FRMD4B: variants seen among roughly 807,000 people sequenced by gnomAD.
FRMD4B encodes FERM domain containing 4B.
In FRMD4B, 74 loss-of-function variants were observed where a neutral mutation model predicts 141.5. The observed-to-expected ratio is 0.52, with a 90% CI of 0.43 to 0.63. The LOEUF is 0.63. Ranked by LOEUF, FRMD4B falls within the 30% of genes least tolerant of loss-of-function variation. The pLI is 0.00. For missense variants in FRMD4B, 1,366 were observed against 1,253.4 expected, an observed-to-expected ratio of 1.09 and a Z score of -1.36; for synonymous variants, 506 against 467.9, an observed-to-expected ratio of 1.08 and a Z score of -1.05.
chr3:69,257,657 C>T (rs1048139036), intron 5 of FRMD4B, among the ~76,000 whole-genome samples: 1 of 151,854 alleles, frequency 6.6e-6, no homozygotes, highest in Non-Finnish European at 1.5e-5. Context: ...TTAATATGTT[C>T]AGGATTGGCT....
chr3:69,540,669 A>C, intron 1 of FRMD4B, among the ~76,000 whole-genome samples: 1 of 120,542 alleles, frequency 8.3e-6, no homozygotes, highest in Non-Finnish European at 1.7e-5. Flanking sequence ...ATACACACAC[A>C]CACACACACA....
intron 5 of FRMD4B, among the ~76,000 whole-genome samples, chr3:69,263,855 C>T (rs1354152900): frequency 9.0e-6 from 1 of 111,140 alleles, no homozygotes; most frequent in Non-Finnish European, 1.7e-5. Flanking sequence ...GACAGAGTCT[C>T]GCTCTGTTGC....
intron 4 of FRMD4B, among the ~76,000 whole-genome samples, chr3:69,299,251 A>T (rs1218286781): frequency 1.3e-5 from 2 of 152,166 alleles, no homozygotes; most frequent in Non-Finnish European, 2.9e-5. Context: ...AGGTTTATAA[A>T]ACATACCAAC....
At chr3:69,320,237 A>T (rs1178239869) in intron 1 of FRMD4B, among the ~76,000 whole-genome samples, 3 of 152,250 alleles carry the variant, frequency 2.0e-5, no homozygotes, top group Admixed American at 6.5e-5. Flanking sequence ...AATTTTTTTT[A>T]AAAATTATAA....
rs1248948438 is a variant in FRMD4B, at chr3:69,237,174, A to ACAG, written c.581+12051_581+12052insCTG. ...CTGGACAACTGCAGGCCGGAGCACA[A>ACAG]GAGGAGGAAGAGGAGAGAATTGGAA... On this transcript the variant is annotated intron_variant, in intron 7 of 22. Transcript: ENST00000398540. Among the ~76,000 whole-genome samples, 140 of 38,660 alleles carry ACAG rather than the reference A, an allele frequency of 3.6e-3. 1 individual carries two copies. Among genetic ancestry groups the ACAG allele is most frequent in the African/African-American group, 0.011 (138 of 13,090 alleles). The allele number at this position is 38,660 out of a possible 152,430, so 25.4% of individuals were successfully genotyped here.
At chr3:69,183,634 C>T (rs1195652229) in intron 19 of FRMD4B, among the ~76,000 whole-genome samples, 2 of 151,898 alleles carry the variant, frequency 1.3e-5, no homozygotes, top group East Asian at 3.9e-4. Context: ...AGGCGCCCAC[C>T]ACCACGCCTG....
At chr3:69,398,428 T>C (rs1704506783) in intron 2 of FRMD4B, among the ~76,000 whole-genome samples, 1 of 152,212 alleles carries the variant, frequency 6.6e-6, no homozygotes, top group Admixed American at 6.5e-5. Context: ...TCCTTTTAGA[T>C]GATTGAAACT....
chr3:69,218,048 A>G lies in FRMD4B; in HGVS notation c.789+274T>C, dbSNP rs1345510879. ...TAATTTTCAAACAAAAGCACTCTCA[A>G]ATGAAGATCTGGTAGTGCTAGAAAG... On this transcript the variant is annotated intron_variant, in intron 10 of 22. Transcript: ENST00000398540. 2.0e-5 allele frequency among the ~76,000 whole-genome samples: 3 copies of G among 152,290 alleles called. No individual in the cohort carries two copies. In the East Asian group the frequency reaches 5.8e-4, roughly 29 times the overall value.
In FRMD4B at chr3:69,385,963, C is replaced by T. The variant is rs1273913025; in HGVS notation, c.27G>A (p.Val9=). ...GGCTGCCGCTGAACAGCAGGTCCTC[C>T]ACGCCACACATGAACACCGAAGCCA... is the stretch of plus-strand genomic sequence containing the variant. MASVFMCG[V]EDLLFSGSRF... is the part of the protein sequence containing the mutation. The change falls in exon 1 of 23, where the codon GTG becomes GTA. Residue 9 remains valine (V), a synonymous_variant. Transcript: ENST00000398540. 2 of 1,604,486 alleles carry T rather than the reference C, an allele frequency of 1.2e-6. No individual in the cohort carries two copies. Among genetic ancestry groups the T allele is most frequent in the Non-Finnish European group, 1.7e-6 (2 of 1,175,734 alleles).
rs867370345 is a variant in FRMD4B at position 69,170,236 on chromosome 3, C to T, written c.*1625G>A. The stretch of plus-strand genomic sequence containing the variant: ...ACTGCGACCTGCTTCACATGAACCC[C>T]TGACATAAATGGAAGAAAACGTAAA... On this transcript the variant is annotated 3_prime_UTR_variant, in exon 23 of 23. Transcript: ENST00000398540. 2.0e-5 allele frequency: 3 copies of T among 152,162 alleles called. No homozygotes were observed. Among genetic ancestry groups the T allele is most frequent in the Non-Finnish European group, 4.4e-5 (3 of 68,038 alleles). 9.4% of individuals were successfully genotyped at this position (152,162 alleles called of 1,614,324 possible).
At chr3:69,212,282 C>T (rs1398931906) in intron 11 of FRMD4B, among the ~76,000 whole-genome samples, 1 of 133,350 alleles carries the variant, frequency 7.5e-6, no homozygotes, top group East Asian at 2.3e-4. Context: ...ATCACTTGAA[C>T]CCAGGAGGTG....
intron 7 of FRMD4B, among the ~76,000 whole-genome samples, chr3:69,229,720 C>T (rs938148096): frequency 1.3e-5 from 2 of 152,134 alleles, no homozygotes; most frequent in African/African-American, 2.4e-5. Context: ...CAATTAATTA[C>T]CAATACACAA....
chr3:69,386,268 A>C, upstream of FRMD4B: 1 of 324,538 alleles, frequency 3.1e-6, no homozygotes, highest in Non-Finnish European at 5.6e-6. Flanking sequence ...AGCTCCACCA[A>C]GCTGGCCCTC....
At chr3:69,481,164 G>A (rs59176487) in intron 1 of FRMD4B, among the ~76,000 whole-genome samples, 18 of 152,134 alleles carry the variant, frequency 1.2e-4, no homozygotes, top group Middle Eastern at 3.4e-3. Context: ...TGCACTTCCC[G>A]AGTGAGGTAA....
At chr3:69,448,281 C>T (rs879391937) in intron 1 of FRMD4B, among the ~76,000 whole-genome samples, 3 of 152,262 alleles carry the variant, frequency 2.0e-5, no homozygotes, top group African/African-American at 7.2e-5. Context: ...CCACCTGCCT[C>T]GGCCTCCCAA....
Position 69,181,679 on chromosome 3 carries a change from G to A in FRMD4B, c.2071C>T (p.Arg691Trp), listed in dbSNP as rs538012715. 15 of 1,612,906 alleles carry A rather than the reference G, an allele frequency of 9.3e-6. No individual in the cohort carries two copies. The highest frequency in any genetic ancestry group is 3.3e-5 in the Admixed American group (2 of 59,908). The change falls in exon 21 of 23, where the codon CGG (arginine) becomes TGG (tryptophan). Residue 691 changes from arginine to tryptophan, a missense_variant. By Grantham distance (101) the Arg-to-Trp change is moderately radical (BLOSUM62 -3). Coordinates refer to ENST00000398540, the MANE Select transcript of FRMD4B (RefSeq NM_015123.3). ...GACTGGGACTCCAGGCTTCCACTCC[G>A]CTGGCGGCAGTGCTGAGATGAAGAT... ...PESSSQHCRQ[R>W]SGSLESQSHL...
chr3:69,415,066 A>C (rs1200076296), intron 2 of FRMD4B, among the ~76,000 whole-genome samples: 1 of 151,250 alleles, frequency 6.6e-6, no homozygotes, highest in Non-Finnish European at 1.5e-5. Flanking sequence ...GGGTTTCACT[A>C]TGTTGGTCAG....
At chr3:69,283,970 C>CAAAAAAAAAAAAAAA (rs146536193) in intron 5 of FRMD4B, among the ~76,000 whole-genome samples, 2 of 137,746 alleles carry the variant, frequency 1.5e-5, no homozygotes, top group African/African-American at 2.7e-5. Flanking sequence ...CAAAACAAAA[C>CAAAAAAAAAAAAAAA]AAAACAAAAA....
chr3:69,400,080 C>T (rs1704536026), intron 2 of FRMD4B, among the ~76,000 whole-genome samples: 1 of 152,080 alleles, frequency 6.6e-6, no homozygotes, highest in African/African-American at 2.4e-5. Flanking sequence ...AAAGGAAAGT[C>T]TTTCCTTGTT....
Sources: allele counts gnomAD v4.1 joint callset (sites outside exome capture counted in the v4.1 genomes callset), GRCh38; gene constraint gnomAD v4.1.1; transcripts MANE v1.5; gene names NCBI Gene and HGNC (gene_info 2026-07-23, HGNC 2026-07-21).